EVL: variants seen among roughly 807,000 people sequenced by gnomAD.
The protein encoded by EVL is ena/VASP-like protein.
A neutral mutation model predicts 59.6 loss-of-function variants in EVL; 21 were observed. That is an observed-to-expected ratio of 0.35 (90% CI 0.25 to 0.51). The LOEUF (loss-of-function observed/expected upper bound fraction) is 0.51, where lower values mean the gene tolerates loss of function less well. Ranked by LOEUF, EVL falls within the 20% of genes least tolerant of loss-of-function variation. The pLI is 0.97. For synonymous variants in EVL, 198 were observed against 203.5 expected, an observed-to-expected ratio of 0.97 and a Z score of 0.23; for missense variants, 462 against 546.6, an observed-to-expected ratio of 0.85 and a Z score of 1.54.
At chr14:100,098,546 A>G (rs1373280152) in intron 3 of EVL, among the ~76,000 whole-genome samples, 1 of 152,226 alleles carries the variant, frequency 6.6e-6, no homozygotes, top group Admixed American at 6.5e-5. Context: ...GAGAGGGGCT[A>G]GCAAAAAGTT....
chr14:99,995,588 C>G (rs1191008), intron 1 of EVL, among the ~76,000 whole-genome samples: 11,925 of 152,132 alleles, frequency 0.078, 642 homozygotes, highest in East Asian at 0.28. Flanking sequence ...TCATATAAAT[C>G]TATTTAGGGT....
rs565056562 is a variant in EVL at position 100,072,260 on chromosome 14, T to C, written c.11+6749T>C. On this transcript the variant is annotated intron_variant, in intron 1 of 13. Transcript: ENST00000392920. ...TTGTTGTTGCATCGGAGTCTCCCTC[T>C]GTCGCTCAGGCTGGAGTGCATTGGA... 8.5e-5 allele frequency among the ~76,000 whole-genome samples: 13 copies of C among 152,336 alleles called. No homozygotes were observed. In the South Asian group the frequency reaches 2.7e-3, roughly 32 times the overall value.
intron 7 of EVL, among the ~76,000 whole-genome samples, chr14:100,131,579 G>A (rs1021123734): frequency 5.9e-5 from 9 of 152,180 alleles, no homozygotes; most frequent in African/African-American, 2.2e-4. Flanking sequence ...CACTCATCCC[G>A]CCTACACTCC....
intron 1 of EVL, among the ~76,000 whole-genome samples, chr14:100,050,628 C>T (rs1165736501): frequency 5.9e-5 from 9 of 151,656 alleles, no homozygotes; most frequent in South Asian, 2.1e-4. Flanking sequence ...TGAGCCACCG[C>T]GCCTGGCCAA....
At chr14:100,117,752 T>TC (rs1403869717) in intron 3 of EVL, among the ~76,000 whole-genome samples, 1 of 152,196 alleles carries the variant, frequency 6.6e-6, no homozygotes, top group African/African-American at 2.4e-5. Context: ...CATTGTATTT[T>TC]CTAAGTGCCA....
intron 1 of EVL, among the ~76,000 whole-genome samples, chr14:100,018,620 C>A (rs1045743352): frequency 6.6e-6 from 1 of 152,040 alleles, no homozygotes; most frequent in African/African-American, 2.4e-5. Flanking sequence ...GCTGCGTGAG[C>A]GGGTGAGGGG....
chr14:100,042,151 C>T (rs1274209381), intron 1 of EVL, among the ~76,000 whole-genome samples: 1 of 152,160 alleles, frequency 6.6e-6, no homozygotes, highest in Non-Finnish European at 1.5e-5. Context: ...AACTATATTA[C>T]ATTACATTTT....
At chr14:100,060,839 G>C (rs2061814914), upstream of EVL, among the ~76,000 whole-genome samples, 1 of 151,626 alleles carries the variant, frequency 6.6e-6, no homozygotes, top group Non-Finnish European at 1.5e-5. Flanking sequence ...GAAAACGAAA[G>C]AAAAAGAAAA....
chr14:100,014,750 G>A (rs1206045866), intron 1 of EVL, among the ~76,000 whole-genome samples: 1 of 152,158 alleles, frequency 6.6e-6, no homozygotes, highest in African/African-American at 2.4e-5. Context: ...CAGGAAGGGA[G>A]TAAGACAGGC....
chr14:99,993,498 A>G (rs2060889240), intron 1 of EVL, among the ~76,000 whole-genome samples: 1 of 152,092 alleles, frequency 6.6e-6, no homozygotes, highest in African/African-American at 2.4e-5. Flanking sequence ...ATGCTGACCT[A>G]ATAGAATGAG....
intron 1 of EVL, among the ~76,000 whole-genome samples, chr14:100,011,360 T>C (rs780244306): frequency 1.4e-4 from 22 of 152,168 alleles, no homozygotes; most frequent in Admixed American, 6.5e-5. Context: ...TTATAGAAAA[T>C]TGATGTTACA....
At position 99,972,732 on chromosome 14, in the gene EVL, G is replaced by A. The variant is rs931816211; in HGVS notation, c.5+675G>A. Among the ~76,000 whole-genome samples, 3 of 151,934 alleles carry A rather than the reference G, an allele frequency of 2.0e-5. No individual in the cohort carries two copies. The highest frequency in any genetic ancestry group is 4.8e-5 in the African/African-American group (2 of 41,382). ...AAACCTTGCTTCTGCCAGAAGCCCG[G>A]TGCCCTCTCCCAGTCGCTAAACCCT... On this transcript the variant is annotated intron_variant, in intron 1 of 13. Coordinates refer to the EVL transcript ENST00000402714. This position sits in a 1 kb window ranked among gnomAD's most constrained non-coding sequence, Gnocchi z 4.4.
rs1887178566 is a variant in EVL at position 100,114,169 on chromosome 14, C to CT, written c.359-9370_359-9369insT. On this transcript the variant is annotated intron_variant, in intron 3 of 13. Transcript: ENST00000392920. This position sits in a 1 kb window ranked among gnomAD's most constrained non-coding sequence, Gnocchi z 5.0. Reference sequence around the variant, plus strand: ...CAGCAAGGAGCGAAGCGAAGGAGGGCCGGGGGGGAATCAAATGAGCCTTAC... The same window carrying CT: ...CAGCAAGGAGCGAAGCGAAGGAGGGCTCGGGGGGGAATCAAATGAGCCTTAC... 1.1e-5 allele frequency among the ~76,000 whole-genome samples: 1 copy of CT among 94,512 alleles called. No homozygotes were observed. The highest frequency in any genetic ancestry group is 2.6e-5 in the Non-Finnish European group (1 of 37,814). The allele number at this position is 94,512 out of a possible 152,430, so 62.0% of individuals were successfully genotyped here.
At chr14:100,132,587 T>C in intron 7 of EVL, 132 bp from the exon 8 acceptor site, 1 of 1,042,672 alleles carries the variant, frequency 9.6e-7, no homozygotes, top group Non-Finnish European at 1.5e-6. Flanking sequence ...AGCCGCCTCC[T>C]TCACGCCATC....
rs1889358975 is a variant in EVL at position 100,143,796 on chromosome 14, A to G, written c.*58A>G. 1.9e-6 allele frequency: 3 copies of G among 1,586,174 alleles called. No homozygotes were observed. The highest frequency in any genetic ancestry group is 2.6e-6 in the Non-Finnish European group (3 of 1,165,668). ...CCATCCGGCGACAGAGGACAGCCAG[A>G]AGCCCAGCCAGCCCCAGACTCCAGT... On this transcript the variant is annotated 3_prime_UTR_variant, in exon 14 of 14. Transcript: ENST00000392920.
At chr14:100,001,166 T>C (rs2060944024) in intron 1 of EVL, among the ~76,000 whole-genome samples, 1 of 152,142 alleles carries the variant, frequency 6.6e-6, no homozygotes, top group Non-Finnish European at 1.5e-5. Flanking sequence ...TGTATGTAAA[T>C]AGGTTGCTGT....
chr14:100,038,771 G>GTGTGTGTGTGTGTGTGT (rs1555415168), intron 1 of EVL, among the ~76,000 whole-genome samples: 2 of 140,916 alleles, frequency 1.4e-5, no homozygotes, highest in Non-Finnish European at 3.1e-5. Flanking sequence ...TGTGCCCTGG[G>GTGTGTGTGTGTGTGTGT]GTGTGTGTGT....
rs1441891351 is a variant in EVL at position 100,108,531 on chromosome 14, T to C, written c.358+10873T>C. Among the ~76,000 whole-genome samples, 1 of 152,130 alleles carries C rather than the reference T, an allele frequency of 6.6e-6. No individual in the cohort carries two copies. Among genetic ancestry groups the C allele is most frequent in the African/African-American group, 2.4e-5 (1 of 41,430 alleles). ...TTTCTGAAAGCCGGATATGTCTCTT[T>C]GCTGACCCACCCCTGTTCTCACCCC... On this transcript the variant is annotated intron_variant, in intron 3 of 13. Coordinates refer to ENST00000392920, the MANE Select transcript of EVL (RefSeq NM_016337.3). The surrounding 1 kb of genome is among the most constrained non-coding windows in gnomAD (Gnocchi z 4.1).
At chr14:100,093,011 A>G (rs1002369414) in intron 2 of EVL, among the ~76,000 whole-genome samples, 3 of 152,244 alleles carry the variant, frequency 2.0e-5, no homozygotes, top group Admixed American at 6.5e-5. Context: ...GCACGTGTTC[A>G]GGTGGATCCT....
Sources: allele counts gnomAD v4.1 joint callset (sites outside exome capture counted in the v4.1 genomes callset), GRCh38; gene constraint gnomAD v4.1.1; non-coding constraint Gnocchi (gnomAD v3.1); transcripts MANE v1.5; gene names NCBI Gene and HGNC (gene_info 2026-07-23, HGNC 2026-07-21).